Variants in ZNF282 observed in about 807,000 individuals in gnomAD.
ZNF282 encodes HTLV-I U5 repressive element-binding protein 1.
In ZNF282, 30 loss-of-function variants were observed where a neutral mutation model predicts 61.9. The ratio of observed to expected loss-of-function variants is 0.48; its 90% CI spans 0.36 to 0.66. The LOEUF (loss-of-function observed/expected upper bound fraction) is 0.66. Among genes scored for constraint, ZNF282 ranks in the 30% least tolerant of loss-of-function variants. The pLI, the probability that ZNF282 is intolerant of heterozygous loss-of-function variation, is 0.00. For synonymous variants in ZNF282, 396 were observed against 405.0 expected, an observed-to-expected ratio of 0.98 and a Z score of 0.27; for missense variants, 788 against 941.4, an observed-to-expected ratio of 0.84 and a Z score of 2.13.
At chr7:149,208,321 G>C (rs1243283050) in intron 4 of ZNF282, among the ~76,000 whole-genome samples, 1 of 152,100 alleles carries the variant, frequency 6.6e-6, no homozygotes, top group African/African-American at 2.4e-5. Flanking sequence ...TGCAACCTCA[G>C]CCTCCCGAGT....
intron 5 of ZNF282, 136 bp downstream of exon 5, chr7:149,210,840 TC>T: frequency 7.7e-7 from 1 of 1,300,562 alleles, no homozygotes; most frequent in Non-Finnish European, 1.0e-6. Flanking sequence ...GGGCTGTGCA[TC>T]CAGGGCTGGG....
intron 5 of ZNF282, 190 bp from the exon 6 acceptor site, chr7:149,212,168 T>C (rs1004436859): frequency 8.0e-6 from 4 of 500,054 alleles, no homozygotes; most frequent in African/African-American, 6.0e-5. Context: ...AGCATCCTCT[T>C]ATTTGCAGCA....
rs1796361303 is a variant in ZNF282 at position 149,225,840 on chromosome 7, G to C, written c.*1193G>C. The C allele has an allele frequency of 6.5e-6, 1 of 152,726 alleles. No homozygotes were observed. The highest frequency in any genetic ancestry group is 2.4e-5 in the African/African-American group (1 of 41,462). The allele number at this position is 152,726 out of a possible 1,614,324, so 9.5% of individuals were successfully genotyped here. On this transcript the variant is annotated 3_prime_UTR_variant, in exon 8 of 8. Transcript: ENST00000610704. ...CAGGCGCCTCGGGAAGCGCCCAAAG[G>C]ATTCCCCTTCACGTTGGTGCACCTG... is the stretch of plus-strand genomic sequence containing the variant.
chr7:149,196,483 A>G, intron 1 of ZNF282, among the ~76,000 whole-genome samples: 1 of 152,102 alleles, frequency 6.6e-6, no homozygotes. Flanking sequence ...AGAATTGGGT[A>G]TAAAACCAGG....
At chr7:149,204,404 G>T (rs977488005) in intron 2 of ZNF282, among the ~76,000 whole-genome samples, 1 of 152,156 alleles carries the variant, frequency 6.6e-6, no homozygotes, top group Non-Finnish European at 1.5e-5. Context: ...TGTCTCTTGG[G>T]ATGTTCCCAG....
intron 7 of ZNF282, among the ~76,000 whole-genome samples, chr7:149,222,639 A>T (rs1427322710): frequency 2.0e-5 from 3 of 152,012 alleles, no homozygotes; most frequent in Non-Finnish European, 4.4e-5. Context: ...TTTATTTTTT[A>T]TTTTTTATTT....
intron 5 of ZNF282, among the ~76,000 whole-genome samples, chr7:149,211,426 G>A (rs924777276): frequency 4.6e-5 from 7 of 152,160 alleles, no homozygotes; most frequent in Admixed American, 4.6e-4. Flanking sequence ...TTTCCTTGGG[G>A]GAGGCCAGTC....
intron 2 of ZNF282, among the ~76,000 whole-genome samples, chr7:149,204,614 G>C (rs960230215): frequency 6.6e-6 from 1 of 152,168 alleles, no homozygotes; most frequent in Non-Finnish European, 1.5e-5. Context: ...GGCAAGAAAG[G>C]AGCTTGCCGG....
intron 2 of ZNF282, among the ~76,000 whole-genome samples, chr7:149,206,018 G>C (rs1164063611): frequency 6.6e-6 from 1 of 152,186 alleles, no homozygotes. Flanking sequence ...TGAAGTGAGT[G>C]ATTGCAAACT....
In ZNF282 at chr7:149,207,416, G is replaced by A. The variant is rs1169596367; in HGVS notation, c.778G>A (p.Val260Met). The change falls in exon 4 of 8, where the codon GTG (valine) becomes ATG (methionine). Residue 260 changes from valine to methionine, a missense_variant. By Grantham distance (21) the Val-to-Met change is conservative. Coordinates refer to ENST00000610704, the MANE Select transcript of ZNF282 (RefSeq NM_003575.4). ...GGCTGAGCCCAGGGAAGAACCTTGT[G>A]TGTGGGAGCAGCGCCACCCCGAAGA... ...VQAEPREEPC[V>M]WEQRHPEERE... The A allele has an allele frequency of 1.9e-6, 3 of 1,574,076 alleles. No homozygotes were observed. Among genetic ancestry groups the A allele is most frequent in the Admixed American group, 1.8e-5 (1 of 54,554 alleles).
intron 6 of ZNF282, among the ~76,000 whole-genome samples, chr7:149,213,021 A>G (rs567799726): frequency 2.0e-5 from 3 of 152,178 alleles, no homozygotes; most frequent in Non-Finnish European, 2.9e-5. Context: ...AGAAACTTGT[A>G]GGGAGGGTCT....
At chr7:149,203,866 A>C (rs1795951321) in intron 2 of ZNF282, among the ~76,000 whole-genome samples, 1 of 152,238 alleles carries the variant, frequency 6.6e-6, no homozygotes, top group Admixed American at 6.5e-5. Flanking sequence ...ATTTGTGGGA[A>C]GACACTATGT....
At chr7:149,195,863 A>C in intron 1 of ZNF282, 109 bp downstream of exon 1, 2 of 1,042,502 alleles carry the variant, frequency 1.9e-6, no homozygotes, top group Non-Finnish European at 2.4e-6. Flanking sequence ...GCGCCCTCCC[A>C]GCTTCCGCGC....
chr7:149,220,780 C>T (rs539289543), intron 7 of ZNF282, among the ~76,000 whole-genome samples: 2 of 152,168 alleles, frequency 1.3e-5, no homozygotes, highest in African/African-American at 4.8e-5. Flanking sequence ...AAGGAAAAGC[C>T]CTCAGGGCCA....
At chr7:149,215,195 ATT>A (rs36096302) in intron 7 of ZNF282, among the ~76,000 whole-genome samples, 26 of 90,690 alleles carry the variant, frequency 2.9e-4, no homozygotes, top group Non-Finnish European at 3.5e-4. Flanking sequence ...ATTTCCTGAC[ATT>A]TTTTTTTTTT....
rs1447132962 is a variant in ZNF282 at position 149,224,473 on chromosome 7, G to A, written c.1842G>A (p.Lys614=). The change falls in exon 8 of 8, where the codon AAG becomes AAA. Residue 614 remains lysine (K), a synonymous_variant. Transcript: ENST00000610704. ...TGTGCGGCAAGAGCTTCATCCGCAA[G>A]CAGAACCTGCTCAAGCACCAGCGCA... The part of the protein sequence containing the change: ...CALCGKSFIR[K]QNLLKHQRIH... The A allele has an allele frequency of 3.7e-6, 6 of 1,613,498 alleles. No individual in the cohort carries two copies. The highest frequency in any genetic ancestry group is 5.1e-6 in the Non-Finnish European group (6 of 1,179,918).
rs140852754 is a variant in ZNF282 at position 149,210,626 on chromosome 7, G to C, written c.874G>C (p.Val292Leu). 1.4e-5 allele frequency: 22 copies of C among 1,612,526 alleles called. No homozygotes were observed. Among genetic ancestry groups the C allele is most frequent in the Non-Finnish European group, 1.8e-5 (21 of 1,179,450 alleles). ...GCCTGCGCAGGATGCGTCCTCCCAG[G>C]TGAAGCGTGAGGACACCCTGTGTGT... ...LVPAQDASSQVKREDTLCVRG... is the reference protein window; with the variant it reads ...LVPAQDASSQLKREDTLCVRG... Residue 292 changes from valine (V) to leucine (L), a missense_variant, in exon 5 of 8, where the codon GTG (valine) becomes CTG (leucine). Coordinates refer to ENST00000610704, the MANE Select transcript of ZNF282 (RefSeq NM_003575.4).
rs1370483235 is a variant in ZNF282, at chr7:149,198,687, T to C, written c.520T>C (p.Leu174=). Reference sequence around the variant, plus strand: ...GAGGCGGCTGGAGAACTTGGAGAACTTGCTGCGCAACAGGAACTTCTGGGT... The same window carrying C: ...GAGGCGGCTGGAGAACTTGGAGAACCTGCTGCGCAACAGGAACTTCTGGGT... ...LQRRLENLEN[L]LRNRNFWVLR... The change falls in exon 2 of 8, where the codon TTG becomes CTG. Residue 174 remains leucine (L), a synonymous_variant. Coordinates refer to ENST00000610704, the MANE Select transcript of ZNF282 (RefSeq NM_003575.4). This position sits in a 1 kb window ranked among gnomAD's most constrained non-coding sequence, Gnocchi z 4.3. 3.7e-6 allele frequency: 6 copies of C among 1,613,736 alleles called. No homozygotes were observed. The East Asian group carries it at 8.9e-5, about 24-fold the overall frequency.
At position 149,223,761 on chromosome 7, in the gene ZNF282, G is replaced by C. The variant is rs559639142; in HGVS notation, c.1181-51G>C. 29 of 1,436,592 alleles carry C rather than the reference G, an allele frequency of 2.0e-5. No homozygotes were observed. The African/African-American group carries it at 3.3e-4, about 16-fold the overall frequency. The allele number at this position is 1,436,592 out of a possible 1,614,324, so 89.0% of individuals were successfully genotyped here. On this transcript the variant is annotated intron_variant, in intron 7 of 7. Coordinates refer to ENST00000610704, the MANE Select transcript of ZNF282 (RefSeq NM_003575.4). ...GGGCCCCCCTTCGGGAGCAGTGTGG[G>C]GTCCTGGCCGAGAACCCCTGTCAGC...
Sources: allele counts gnomAD v4.1 joint callset (sites outside exome capture counted in the v4.1 genomes callset), GRCh38; gene constraint gnomAD v4.1.1; non-coding constraint Gnocchi (gnomAD v3.1); transcripts MANE v1.5; gene names NCBI Gene and HGNC (gene_info 2026-07-23, HGNC 2026-07-21).